Variants in ADAMTS6 observed in about 807,000 individuals in gnomAD.
ADAMTS6 encodes the protein A disintegrin and metalloproteinase with thrombospondin motifs 6.
ADAMTS6 carries 23 observed loss-of-function variants against 144.3 expected under a neutral mutation model. The observed-to-expected ratio is 0.16, with a 90% confidence interval of 0.11 to 0.23. The LOEUF (loss-of-function observed/expected upper bound fraction) is 0.23. ADAMTS6 is among the 10% of genes least tolerant of loss of function. The pLI is 1.00. For missense variants in ADAMTS6, 999 were observed against 1,379.6 expected, an observed-to-expected ratio of 0.72 and a Z score of 4.37; for synonymous variants, 444 against 457.5, an observed-to-expected ratio of 0.97 and a Z score of 0.38.
At chr5:65,323,968 TG>T in intron 9 of ADAMTS6, among the ~76,000 whole-genome samples, 1 of 152,330 alleles carries the variant, frequency 6.6e-6, no homozygotes, top group South Asian at 2.1e-4. Flanking sequence ...TGGGGTTGTT[TG>T]TTTTTTTCTT....
At chr5:65,334,947 C>T (rs1747159496) in intron 7 of ADAMTS6, among the ~76,000 whole-genome samples, 1 of 151,960 alleles carries the variant, frequency 6.6e-6, no homozygotes, top group Non-Finnish European at 1.5e-5. Context: ...TTTTTATTTG[C>T]CTCTGTTTTA....
At chr5:65,446,642 A>T (rs1758288529) in intron 7 of ADAMTS6, among the ~76,000 whole-genome samples, 1 of 152,232 alleles carries the variant, frequency 6.6e-6, no homozygotes, top group African/African-American at 2.4e-5. Flanking sequence ...TGAAGTACTG[A>T]TACATGCCAC....
At chr5:65,367,141 TA>T (rs532987995) in intron 7 of ADAMTS6, among the ~76,000 whole-genome samples, 1 of 152,184 alleles carries the variant, frequency 6.6e-6, no homozygotes, top group Non-Finnish European at 1.5e-5. Flanking sequence ...AATTAAAAAC[TA>T]AAAAACTGAA....
At chr5:65,196,979 T>C in intron 21 of ADAMTS6, 43 bp downstream of exon 21, 1 of 1,593,284 alleles carries the variant, frequency 6.3e-7, no homozygotes. Context: ...GTTTTTCTCT[T>C]TGCACCTGAA....
At chr5:65,178,124 C>T (rs751394960) in intron 22 of ADAMTS6, among the ~76,000 whole-genome samples, 19 of 152,148 alleles carry the variant, frequency 1.2e-4, no homozygotes, top group African/African-American at 4.8e-5. Context: ...CATCCCCGAG[C>T]GGATGTGTGA....
chr5:65,275,800 A>G (rs1245628397), intron 11 of ADAMTS6, among the ~76,000 whole-genome samples: 3 of 152,068 alleles, frequency 2.0e-5, no homozygotes, highest in Admixed American at 2.0e-4. Context: ...GGGCTTTGAA[A>G]TATTGCTCCA....
At chr5:65,172,781 T>C in intron 23 of ADAMTS6, 51 bp downstream of exon 23, 1 of 1,580,190 alleles carries the variant, frequency 6.3e-7, no homozygotes, top group Non-Finnish European at 8.6e-7. Context: ...AACCTCAGGT[T>C]TGTGTCTCAA....
chr5:65,374,664 C>T (rs1751330052), intron 7 of ADAMTS6, among the ~76,000 whole-genome samples: 1 of 152,116 alleles, frequency 6.6e-6, no homozygotes, highest in Admixed American at 6.5e-5. Flanking sequence ...GAATCAATGT[C>T]GTGAAAATGG....
intron 24 of ADAMTS6, among the ~76,000 whole-genome samples, chr5:65,164,300 C>A (rs1310354257): frequency 2.0e-5 from 3 of 152,090 alleles, no homozygotes; most frequent in Non-Finnish European, 4.4e-5. Context: ...GTCACTCCCA[C>A]CCGAATATTG....
At chr5:65,211,701 T>C (rs1164778560) in intron 20 of ADAMTS6, among the ~76,000 whole-genome samples, 1 of 152,154 alleles carries the variant, frequency 6.6e-6, no homozygotes, top group Non-Finnish European at 1.5e-5. Context: ...ATTAAAATGA[T>C]ACTGTTTTTC....
intron 7 of ADAMTS6, among the ~76,000 whole-genome samples, chr5:65,375,851 G>A (rs980095829): frequency 2.8e-4 from 42 of 152,242 alleles, no homozygotes; most frequent in African/African-American, 1.0e-3. Context: ...GCAAAGACTT[G>A]GAACCAACCC....
chr5:65,374,694 T>G (rs1751336985), intron 7 of ADAMTS6, among the ~76,000 whole-genome samples: 1 of 152,156 alleles, frequency 6.6e-6, no homozygotes, highest in Non-Finnish European at 1.5e-5. Flanking sequence ...CCAACGTAAT[T>G]TACAGATTCA....
At chr5:65,464,218 A>C (rs1279989860) in intron 3 of ADAMTS6, among the ~76,000 whole-genome samples, 1 of 152,250 alleles carries the variant, frequency 6.6e-6, no homozygotes, top group Non-Finnish European at 1.5e-5. Flanking sequence ...GTGAAACCTA[A>C]GGACTCCTCC....
At chr5:65,247,700 A>G (rs1442108169) in intron 14 of ADAMTS6, among the ~76,000 whole-genome samples, 1 of 152,118 alleles carries the variant, frequency 6.6e-6, no homozygotes, top group Non-Finnish European at 1.5e-5. Flanking sequence ...AAAGGAAGAT[A>G]TGCAGGCTGG....
chr5:65,291,463 G>A lies in ADAMTS6; in HGVS notation c.1378C>T (p.Arg460Cys). 3.1e-6 allele frequency: 5 copies of A among 1,611,048 alleles called. No individual in the cohort carries two copies. Among genetic ancestry groups the A allele is most frequent in the Non-Finnish European group, 4.2e-6 (5 of 1,178,560 alleles). Reference sequence around the variant, plus strand: ...GGCTCATTATCAAGGCAAGTACCACGGCCTGAACTGTTCAACATAAAGGAT... The same window carrying A: ...GGCTCATTATCAAGGCAAGTACCACAGCCTGAACTGTTCAACATAAAGGAT... ...DYITSFLDSGRGTCLDNEPPK... is the reference protein window; with the variant it reads ...DYITSFLDSGCGTCLDNEPPK... Residue 460 changes from arginine to cysteine, a missense_variant, in exon 11 of 25, where the codon CGT becomes TGT. Physicochemically the swap from Arg to Cys is radical, Grantham distance 180. Transcript: ENST00000381055.
At chr5:65,288,028 T>C (rs1486642387) in intron 11 of ADAMTS6, among the ~76,000 whole-genome samples, 1 of 152,186 alleles carries the variant, frequency 6.6e-6, no homozygotes, top group East Asian at 1.9e-4. Context: ...TTAAGAACAC[T>C]TGAAAAATAA....
rs576884097 is a variant in ADAMTS6, at chr5:65,168,111, A to G, written c.3244+2506T>C. ...GTCAAATTGTCCCTGTTTGCAGACGACATGATTGTTTATCTAGAAAACCCC... is the reference window on the plus strand; with the variant it reads ...GTCAAATTGTCCCTGTTTGCAGACGGCATGATTGTTTATCTAGAAAACCCC... On this transcript the variant is annotated intron_variant, in intron 24 of 24. Transcript: ENST00000381055. Among the ~76,000 whole-genome samples the G allele has an allele frequency of 5.3e-3, 810 of 151,514 alleles. 5 individuals carry two copies. The highest frequency in any genetic ancestry group is 0.018 in the African/African-American group (758 of 41,224).
chr5:65,377,158 G>C (rs1036056185), intron 7 of ADAMTS6, among the ~76,000 whole-genome samples: 1 of 152,136 alleles, frequency 6.6e-6, no homozygotes, highest in Non-Finnish European at 1.5e-5. Flanking sequence ...AAATACTCAA[G>C]TGAGAAATTT....
intron 24 of ADAMTS6, 87 bp downstream of exon 24, chr5:65,170,530 T>C (rs889865958): frequency 1.1e-5 from 16 of 1,457,888 alleles, no homozygotes; most frequent in Non-Finnish European, 1.5e-5. Context: ...TACACTACAG[T>C]AGTGGGTTTA....
Sources: allele counts gnomAD v4.1 joint callset (sites outside exome capture counted in the v4.1 genomes callset), GRCh38; gene constraint gnomAD v4.1.1; transcripts MANE v1.5; gene names NCBI Gene and HGNC (gene_info 2026-07-23, HGNC 2026-07-21).